DLG2: variants seen among roughly 807,000 people sequenced by gnomAD.
DLG2 encodes the protein discs large MAGUK scaffold protein 2.
Under a neutral mutation model 132.5 loss-of-function variants are expected in DLG2, and 45 were observed. The observed-to-expected ratio is 0.34, with a 90% CI of 0.27 to 0.44. The LOEUF (loss-of-function observed/expected upper bound fraction) is 0.44. DLG2 is among the 20% of genes least tolerant of loss of function. The probability of loss-of-function intolerance (pLI) is 1.00; values close to 1 mark genes in which losing one functional copy is unlikely to be tolerated. For synonymous variants in DLG2, 424 were observed against 419.6 expected, an observed-to-expected ratio of 1.01 and a Z score of -0.13; for missense variants, 1,045 against 1,196.9, an observed-to-expected ratio of 0.87 and a Z score of 1.87.
At chr11:84,178,318 A>T (rs1017769297) in intron 8 of DLG2, among the ~76,000 whole-genome samples, 6 of 152,178 alleles carry the variant, frequency 3.9e-5, no homozygotes, top group African/African-American at 1.4e-4. Context: ...TGCTGTCTAC[A>T]GTAGCCAGAA....
chr11:83,466,920 G>T, intron 25 of DLG2, 103 bp from the exon 26 acceptor site: 1 of 726,518 alleles, frequency 1.4e-6, no homozygotes, highest in Non-Finnish European at 2.4e-6. Context: ...GGTAGGGGAT[G>T]CTGGATTTCT....
At chr11:84,013,730 G>A (rs563901802) in intron 11 of DLG2, among the ~76,000 whole-genome samples, 2 of 151,876 alleles carry the variant, frequency 1.3e-5, no homozygotes, top group South Asian at 2.1e-4. Flanking sequence ...AGCTGGGTAT[G>A]GTGGTGCACG....
intron 6 of DLG2, among the ~76,000 whole-genome samples, chr11:84,815,241 T>C (rs559051539): frequency 1.6e-4 from 25 of 152,192 alleles, no homozygotes; most frequent in Non-Finnish European, 2.6e-4. Context: ...AAAACAGCCA[T>C]ATGGATACAG....
intron 6 of DLG2, among the ~76,000 whole-genome samples, chr11:84,788,745 C>T (rs1449724827): frequency 6.6e-6 from 1 of 152,136 alleles, no homozygotes; most frequent in Non-Finnish European, 1.5e-5. Context: ...TTCGTCCAAA[C>T]ATTTTGCTCT....
At chr11:84,121,763 G>A (rs952572403) in intron 9 of DLG2, among the ~76,000 whole-genome samples, 2 of 150,990 alleles carry the variant, frequency 1.3e-5, no homozygotes, top group East Asian at 2.0e-4. Flanking sequence ...GGGTTTCACC[G>A]TATTAGCCAG....
chr11:84,811,892 A>T (rs1260451691), intron 6 of DLG2, among the ~76,000 whole-genome samples: 1 of 152,156 alleles, frequency 6.6e-6, no homozygotes, highest in East Asian at 1.9e-4. Flanking sequence ...GTTCTGCTTT[A>T]TTCAGGAGCT....
chr11:84,788,741 C>T (rs1282115108), intron 6 of DLG2, among the ~76,000 whole-genome samples: 2 of 152,074 alleles, frequency 1.3e-5, no homozygotes, highest in Non-Finnish European at 1.5e-5. Flanking sequence ...TTATTTCGTC[C>T]AAACATTTTG....
At chr11:84,228,994 A>G (rs1464080098) in intron 8 of DLG2, among the ~76,000 whole-genome samples, 1 of 152,188 alleles carries the variant, frequency 6.6e-6, no homozygotes, top group Non-Finnish European at 1.5e-5. Flanking sequence ...CAAATAAATT[A>G]TCTAAGGAAA....
chr11:84,806,344 T>C (rs1029122813), intron 6 of DLG2, among the ~76,000 whole-genome samples: 1 of 151,814 alleles, frequency 6.6e-6, no homozygotes, highest in African/African-American at 2.4e-5. Flanking sequence ...AAAACCCAAA[T>C]AGGATAAATG....
At chr11:84,510,745 A>AT (rs1269744165) in intron 7 of DLG2, among the ~76,000 whole-genome samples, 3 of 152,184 alleles carry the variant, frequency 2.0e-5, no homozygotes, top group Non-Finnish European at 4.4e-5. Context: ...TTCATCTTTT[A>AT]TTCTCTATGG....
intron 9 of DLG2, among the ~76,000 whole-genome samples, chr11:84,117,648 T>C (rs940721220): frequency 1.3e-5 from 2 of 152,186 alleles, no homozygotes; most frequent in Non-Finnish European, 2.9e-5. Context: ...CCAGAGTACA[T>C]TGAACTTACT....
rs990940357 is a variant in DLG2 at position 85,343,009 on chromosome 11, C to A, written c.41-57644G>T. Among the ~76,000 whole-genome samples the A allele has an allele frequency of 2.0e-5, 3 of 151,870 alleles. 1 individual carries two copies. Among genetic ancestry groups the A allele is most frequent in the South Asian group, 4.2e-4 (2 of 4,786 alleles). Reference sequence around the variant, plus strand: ...CTCTCTAAAAAGTAGTTCTCCCTAACTTTAATGCTGTTTCGTAATGTGAGT... The same window carrying A: ...CTCTCTAAAAAGTAGTTCTCCCTAAATTTAATGCTGTTTCGTAATGTGAGT... On this transcript the variant is annotated intron_variant, in intron 3 of 27. Transcript: ENST00000376104.
At position 84,970,567 on chromosome 11, in the gene DLG2, T is replaced by C. The variant is rs2053967568; in HGVS notation, c.357+141094A>G. 2.0e-5 allele frequency among the ~76,000 whole-genome samples: 3 copies of C among 152,186 alleles called. No individual in the cohort carries two copies. In the South Asian group the frequency reaches 6.2e-4, roughly 32 times the overall value. ...GGGCTCTCTTCCTTATAAATGGCTG[T>C]CTTCCCACTGTAACCTCACATAGCA... On this transcript the variant is annotated intron_variant, in intron 6 of 27. Transcript: ENST00000376104.
intron 18 of DLG2, among the ~76,000 whole-genome samples, chr11:83,741,395 C>G (rs2092498680): frequency 6.6e-6 from 1 of 151,958 alleles, no homozygotes; most frequent in African/African-American, 2.4e-5. Context: ...GATTCTATAC[C>G]AAGAAAATCC....
At chr11:84,356,512 G>A (rs1279336269) in intron 7 of DLG2, among the ~76,000 whole-genome samples, 1 of 152,084 alleles carries the variant, frequency 6.6e-6, no homozygotes. Flanking sequence ...TGCTAGCTGT[G>A]TGACTTTGGG....
intron 19 of DLG2, among the ~76,000 whole-genome samples, chr11:83,620,928 C>A (rs1218813432): frequency 3.4e-5 from 5 of 146,030 alleles, no homozygotes; most frequent in Admixed American, 6.8e-5. Flanking sequence ...GATTTAGATC[C>A]AAAATACTCA....
intron 15 of DLG2, among the ~76,000 whole-genome samples, chr11:83,901,122 G>C (rs928150606): frequency 6.6e-6 from 1 of 152,202 alleles, no homozygotes; most frequent in African/African-American, 2.4e-5. Context: ...TGGAATGGCT[G>C]TATTTACCCA....
At chr11:85,268,943 G>A (rs6592236) in intron 4 of DLG2, among the ~76,000 whole-genome samples, 1 of 152,096 alleles carries the variant, frequency 6.6e-6, no homozygotes, top group Non-Finnish European at 1.5e-5. Context: ...AGTATATGCT[G>A]CTATTTCATG....
chr11:85,144,793 G>T (rs1282674079), intron 5 of DLG2, among the ~76,000 whole-genome samples: 2 of 151,840 alleles, frequency 1.3e-5, no homozygotes, highest in Non-Finnish European at 2.9e-5. Flanking sequence ...TTAGAAATAT[G>T]TTGTAGTTAT....
Sources: gnomAD v4.1 joint callset for allele counts (sites outside exome capture counted in the v4.1 genomes callset) on GRCh38, gnomAD v4.1.1 for gene constraint, MANE v1.5 for transcripts, NCBI Gene and HGNC (gene_info 2026-07-23, HGNC 2026-07-21) for gene names.